AVL9: variants seen among roughly 807,000 people sequenced by gnomAD.
AVL9 encodes AVL9 cell migration associated.
A neutral mutation model predicts 79.2 loss-of-function variants in AVL9; 49 were observed. The observed-to-expected ratio is 0.62, with a 90% CI of 0.49 to 0.79. AVL9 has a LOEUF of 0.79. AVL9 is among the 30% of genes least tolerant of loss of function. The pLI is 0.00. For synonymous variants in AVL9, 299 were observed against 280.6 expected, an observed-to-expected ratio of 1.07 and a Z score of -0.65; for missense variants, 682 against 776.8, an observed-to-expected ratio of 0.88 and a Z score of 1.45.
intron 3 of AVL9, among the ~76,000 whole-genome samples, chr7:32,547,780 A>G (rs554624414): frequency 2.0e-5 from 3 of 152,340 alleles, no homozygotes; most frequent in African/African-American, 7.2e-5. Flanking sequence ...TCCAATCAGG[A>G]GGAAGGATTC....
intron 11 of AVL9, among the ~76,000 whole-genome samples, chr7:32,572,534 G>C (rs1790901761): frequency 6.6e-6 from 1 of 150,638 alleles, no homozygotes; most frequent in Non-Finnish European, 1.5e-5. Flanking sequence ...CGGGCATGGT[G>C]GCTCACGCCT....
intron 1 of AVL9, among the ~76,000 whole-genome samples, chr7:32,499,512 A>G (rs1325865943): frequency 6.6e-6 from 1 of 152,220 alleles, no homozygotes; most frequent in Non-Finnish European, 1.5e-5. Flanking sequence ...CATAGCTAGC[A>G]GTTTTAAGTC....
At chr7:32,521,367 C>T (rs1450203299) in intron 1 of AVL9, among the ~76,000 whole-genome samples, 1 of 152,122 alleles carries the variant, frequency 6.6e-6, no homozygotes, top group Non-Finnish European at 1.5e-5. Context: ...ACAGTAAGGT[C>T]CAGGCTGAGG....
At position 32,530,635 on chromosome 7, in the gene AVL9, G is replaced by A. The variant is rs1788606744; in HGVS notation, c.94-12506G>A. 2.0e-5 allele frequency among the ~76,000 whole-genome samples: 3 copies of A among 152,098 alleles called. No homozygotes were observed. In the South Asian group the frequency reaches 6.2e-4, roughly 32 times the overall value. On this transcript the variant is annotated intron_variant, in intron 1 of 15. Transcript: ENST00000318709. ...TTCTATCAACCTAAAATAATCAAAA[G>A]TCAGAATGTAGTTTAAAAGAGAATT... is the stretch of plus-strand genomic sequence containing the variant.
In AVL9 at chr7:32,511,420, G is replaced by A. The variant is rs145583549; in HGVS notation, c.93+15618G>A. ...TGAGATTTGTGAGCCATCAGGTCTG[G>A]TTGTGGGAGTCCACAGTCCTGGAAA... is the stretch of plus-strand genomic sequence containing the variant. On this transcript the variant is annotated intron_variant, in intron 1 of 15. Transcript: ENST00000318709. 2.0e-5 allele frequency among the ~76,000 whole-genome samples: 3 copies of A among 152,034 alleles called. No individual in the cohort carries two copies. In the East Asian group the frequency reaches 5.8e-4, roughly 30 times the overall value.
chr7:32,497,656 T>A (rs1786911127), intron 1 of AVL9, among the ~76,000 whole-genome samples: 1 of 136,848 alleles, frequency 7.3e-6, no homozygotes, highest in Non-Finnish European at 1.6e-5. Flanking sequence ...ATTAGTTCTT[T>A]TTTTTTTTTT....
chr7:32,541,946 C>T (rs1583546699), intron 1 of AVL9, among the ~76,000 whole-genome samples: 1 of 152,030 alleles, frequency 6.6e-6, no homozygotes, highest in Admixed American at 6.6e-5. Context: ...AACTTCTGGC[C>T]TCAAGTGATC....
intron 1 of AVL9, among the ~76,000 whole-genome samples, chr7:32,531,427 T>TGTATATGTTAATGAA (rs1562768941): frequency 8.6e-4 from 1 of 1,166 alleles, no homozygotes. Context: ...ACATGTATAT[T>TGTATATGTTAATGAA]CATATAACGT....
chr7:32,503,249 G>A (rs1399916023), intron 1 of AVL9, among the ~76,000 whole-genome samples: 2 of 150,850 alleles, frequency 1.3e-5, no homozygotes, highest in East Asian at 3.9e-4. Context: ...GCCGAGGCAG[G>A]TGGATCACTT....
At chr7:32,570,654 T>G (rs1246193929) in intron 11 of AVL9, among the ~76,000 whole-genome samples, 1 of 151,728 alleles carries the variant, frequency 6.6e-6, no homozygotes. Context: ...AGTTTCGTTC[T>G]TGTTGCCCAG....
intron 1 of AVL9, among the ~76,000 whole-genome samples, chr7:32,504,924 A>T (rs561501891): frequency 6.6e-6 from 1 of 151,976 alleles, no homozygotes; most frequent in Non-Finnish European, 1.5e-5. Flanking sequence ...CCCAGGCTGG[A>T]GTGCGGTGGC....
intron 1 of AVL9, among the ~76,000 whole-genome samples, chr7:32,527,636 T>TTGA (rs2128127018): frequency 6.6e-6 from 1 of 152,268 alleles, no homozygotes; most frequent in South Asian, 2.1e-4. Context: ...TCTTGCTGAC[T>TTGA]CTAACACCCT....
At chr7:32,495,909 A>G (rs1786781524) in intron 1 of AVL9, 107 bp downstream of exon 1, 2 of 674,072 alleles carry the variant, frequency 3.0e-6, no homozygotes, top group Non-Finnish European at 4.3e-6. Context: ...AGTCCTCCCC[A>G]CAGCGCCTGC....
chr7:32,559,551 C>T, intron 10 of AVL9, 87 bp downstream of exon 10: 1 of 1,383,360 alleles, frequency 7.2e-7, no homozygotes, highest in East Asian at 2.4e-5. Flanking sequence ...GTATTCAACA[C>T]ATTTTCAGGT....
chr7:32,566,611 GCTCACACCTGTAA>G (rs1583586754), intron 10 of AVL9, among the ~76,000 whole-genome samples: 1 of 152,108 alleles, frequency 6.6e-6, no homozygotes, highest in East Asian at 1.9e-4. Flanking sequence ...AGGTGCGGTG[GCTCACACCTGTAA>G]TCCCAACACT....
At chr7:32,577,542 G>C (rs952071468) in intron 13 of AVL9, among the ~76,000 whole-genome samples, 5 of 152,192 alleles carry the variant, frequency 3.3e-5, no homozygotes, top group African/African-American at 9.7e-5. Flanking sequence ...GCACTCACAG[G>C]GTGGTGCTGG....
chr7:32,575,753 A>T (rs1268071879), intron 12 of AVL9, among the ~76,000 whole-genome samples: 1 of 152,206 alleles, frequency 6.6e-6, no homozygotes, highest in Admixed American at 6.5e-5. Context: ...CTGAGTGATT[A>T]AGTGACTTGC....
intron 1 of AVL9, among the ~76,000 whole-genome samples, chr7:32,524,269 A>C (rs1458736862): frequency 6.6e-6 from 1 of 152,062 alleles, no homozygotes; most frequent in East Asian, 1.9e-4. Context: ...TAATCCTAGC[A>C]CTTTGGGAGG....
chr7:32,516,838 A>G (rs1787923786), intron 1 of AVL9, among the ~76,000 whole-genome samples: 1 of 150,544 alleles, frequency 6.6e-6, no homozygotes, highest in Admixed American at 6.6e-5. Flanking sequence ...CCTTTCAGGC[A>G]CTCTGTTGGT....
Sources: allele counts gnomAD v4.1 joint callset (sites outside exome capture counted in the v4.1 genomes callset), GRCh38; gene constraint gnomAD v4.1.1; transcripts MANE v1.5; gene names NCBI Gene and HGNC (gene_info 2026-07-23, HGNC 2026-07-21).